Variants in DCLK1 observed in about 807,000 individuals in gnomAD.
The protein encoded by DCLK1 is doublecortin like kinase 1, also known as serine/threonine-protein kinase DCLK1.
DCLK1 carries 16 observed loss-of-function variants against 86.2 expected under a neutral mutation model. The observed-to-expected ratio is 0.19, with a 90% CI of 0.13 to 0.28. The LOEUF (loss-of-function observed/expected upper bound fraction) is 0.28, where lower values mean the gene tolerates loss of function less well. DCLK1 is among the 10% of genes least tolerant of loss of function. The pLI is 1.00. For synonymous variants in DCLK1, 369 were observed against 370.5 expected (o/e 1.00, Z 0.05); for missense variants, 590 against 940.2 (o/e 0.63, Z 4.87).
chr13:35,831,758 C>A (rs1410063223), intron 8 of DCLK1, among the ~76,000 whole-genome samples: 1 of 152,170 alleles, frequency 6.6e-6, no homozygotes, highest in Middle Eastern at 3.2e-3. Flanking sequence ...TTGTCTTCCT[C>A]CTTGACTAAG....
intron 15 of DCLK1, among the ~76,000 whole-genome samples, chr13:35,798,664 G>C (rs185629525): frequency 6.6e-6 from 1 of 152,286 alleles, no homozygotes; most frequent in East Asian, 1.9e-4. Flanking sequence ...ATTTATCTTA[G>C]AGCAAGGACA....
chr13:36,131,401 G>A (rs998786467), upstream of DCLK1: 1 of 194,148 alleles, frequency 5.2e-6, no homozygotes, highest in South Asian at 8.8e-5. Context: ...CGGCGGGCGC[G>A]CTCCCTTTTC....
At chr13:35,935,659 G>A (rs1205345248) in intron 4 of DCLK1, among the ~76,000 whole-genome samples, 1 of 152,188 alleles carries the variant, frequency 6.6e-6, no homozygotes, top group Non-Finnish European at 1.5e-5. Flanking sequence ...AAGTTCATAA[G>A]AGAAAGTTGG....
In DCLK1 at chr13:35,875,807, G is replaced by A. The variant is rs184396528; in HGVS notation, c.824-4467C>T. Among the ~76,000 whole-genome samples, 107 of 152,272 alleles carry A rather than the reference G, an allele frequency of 7.0e-4. 1 individual carries two copies. Among genetic ancestry groups the A allele is most frequent in the Non-Finnish European group, 1.3e-3 (86 of 68,018 alleles). On this transcript the variant is annotated intron_variant, in intron 4 of 16. Transcript: ENST00000360631. ...TCGATAAATATCGGCCCAAATTGCT[G>A]CTGATCCTGTTACTACTTGTGTGAA...
chr13:36,095,264 G>C (rs1884971052), intron 3 of DCLK1, among the ~76,000 whole-genome samples: 1 of 151,088 alleles, frequency 6.6e-6, no homozygotes, highest in African/African-American at 2.4e-5. Context: ...AGAGTGCCGT[G>C]ATGTGATCTT....
chr13:35,976,725 G>T (rs1381469580), intron 3 of DCLK1, among the ~76,000 whole-genome samples: 1 of 151,400 alleles, frequency 6.6e-6, no homozygotes. Context: ...TAGTAGAGAC[G>T]GGGTTTCACC....
intron 11 of DCLK1, among the ~76,000 whole-genome samples, chr13:35,814,280 C>G (rs1350715515): frequency 6.6e-6 from 1 of 152,244 alleles, no homozygotes; most frequent in Non-Finnish European, 1.5e-5. Flanking sequence ...CACGCACACA[C>G]ACACAGCCTC....
chr13:36,006,542 G>T (rs1212755460), intron 3 of DCLK1, among the ~76,000 whole-genome samples: 1 of 152,240 alleles, frequency 6.6e-6, no homozygotes, highest in African/African-American at 2.4e-5. Context: ...TACAAAACCT[G>T]CTTTGCCACT....
intron 3 of DCLK1, among the ~76,000 whole-genome samples, chr13:36,035,149 C>T (rs763794706): frequency 6.6e-6 from 1 of 152,096 alleles, no homozygotes; most frequent in Non-Finnish European, 1.5e-5. Context: ...GCTATTGTGT[C>T]TCTCCCTCTG....
At chr13:35,890,605 G>A (rs541925278) in intron 4 of DCLK1, among the ~76,000 whole-genome samples, 36 of 152,230 alleles carry the variant, frequency 2.4e-4, no homozygotes, top group African/African-American at 7.9e-4. Context: ...CAGAGTTGCT[G>A]GATCAATGAG....
intron 4 of DCLK1, among the ~76,000 whole-genome samples, chr13:35,937,473 G>A (rs777105760): frequency 3.3e-5 from 5 of 152,054 alleles, no homozygotes; most frequent in Non-Finnish European, 5.9e-5. Flanking sequence ...CCCTCCCCTT[G>A]TCCTGCAGAG....
intron 16 of DCLK1, chr13:35,788,378 T>C (rs2086657412): frequency 1.4e-5 from 16 of 1,135,872 alleles, no homozygotes; most frequent in Non-Finnish European, 2.0e-5. Flanking sequence ...ATTCTATATG[T>C]ATATATAGTT....
intron 2 of DCLK1, among the ~76,000 whole-genome samples, chr13:36,119,628 C>T (rs1230551009): frequency 6.6e-6 from 1 of 152,176 alleles, no homozygotes; most frequent in East Asian, 1.9e-4. Context: ...AACATGACTT[C>T]TGTGCATAAC....
At chr13:35,991,830 T>C (rs567464043) in intron 3 of DCLK1, among the ~76,000 whole-genome samples, 11 of 152,318 alleles carry the variant, frequency 7.2e-5, no homozygotes, top group African/African-American at 2.6e-4. Context: ...TTTTGTGAGC[T>C]TGAAACTGCC....
At position 36,048,970 on chromosome 13, in the gene DCLK1, T is replaced by C. The variant is rs540779565; in HGVS notation, c.723+62899A>G. Among the ~76,000 whole-genome samples, 8 of 152,290 alleles carry C rather than the reference T, an allele frequency of 5.3e-5. No individual in the cohort carries two copies. The East Asian group carries it at 1.5e-3, about 29-fold the overall frequency. Reference sequence around the variant, plus strand: ...GGAAGTGGAGGGAGGCTGGGAGTGGTTTCACATGTAATTTCCTACCCATGA... The same window carrying C: ...GGAAGTGGAGGGAGGCTGGGAGTGGCTTCACATGTAATTTCCTACCCATGA... On this transcript the variant is annotated intron_variant, in intron 3 of 16. Transcript: ENST00000360631.
At chr13:36,110,899 C>T (rs564572243) in intron 3 of DCLK1, among the ~76,000 whole-genome samples, 1 of 143,560 alleles carries the variant, frequency 7.0e-6, no homozygotes, top group African/African-American at 2.6e-5. Flanking sequence ...GGTGCGATCT[C>T]GGCTCACTGC....
At chr13:35,848,431 A>C (rs772724486) in intron 6 of DCLK1, 23 of 985,228 alleles carry the variant, frequency 2.3e-5, no homozygotes, top group Non-Finnish European at 2.7e-5. Context: ...TTCAAAAAGT[A>C]AATGATATAT....
At chr13:35,834,375 G>A (rs1487555154) in intron 8 of DCLK1, among the ~76,000 whole-genome samples, 3 of 152,134 alleles carry the variant, frequency 2.0e-5, no homozygotes, top group African/African-American at 7.2e-5. Context: ...GAGTCTTATG[G>A]GAGGCTCCTT....
rs77017587 is a variant in DCLK1, at chr13:35,956,711, A to G, written c.724-9254T>C. Among the ~76,000 whole-genome samples, 1,110 of 151,760 alleles carry G rather than the reference A, an allele frequency of 7.3e-3. 19 individuals carry two copies. Among genetic ancestry groups the G allele is most frequent in the African/African-American group, 0.026 (1,051 of 41,036 alleles). On this transcript the variant is annotated intron_variant, in intron 3 of 16. Coordinates refer to ENST00000360631, the MANE Select transcript of DCLK1 (RefSeq NM_001330071.2). The stretch of plus-strand genomic sequence containing the variant: ...GAATATGGATGAGCGAAGGCTGGGG[A>G]AAAACAAAACAAAACAAAAAAAACA...
Sources: gnomAD v4.1 joint callset for allele counts (sites outside exome capture counted in the v4.1 genomes callset) on GRCh38, gnomAD v4.1.1 for gene constraint, MANE v1.5 for transcripts, NCBI Gene and HGNC (gene_info 2026-07-23, HGNC 2026-07-21) for gene names.